The following LCOR variants were observed in gnomAD, a reference collection of about 807,000 sequenced individuals.
LCOR encodes ligand dependent nuclear receptor corepressor.
LCOR carries 14 observed loss-of-function variants against 64.4 expected under a neutral mutation model. That is an observed-to-expected ratio of 0.22 (90% CI 0.14 to 0.34). LCOR has a LOEUF of 0.34. Ranked by LOEUF, LCOR falls within the 10% of genes least tolerant of loss-of-function variation. The probability of loss-of-function intolerance (pLI) is 1.00; values close to 1 mark genes in which losing one functional copy is unlikely to be tolerated. For missense variants in LCOR, 1,686 were observed against 1,765.3 expected, an observed-to-expected ratio of 0.96 and a Z score of 0.80; for synonymous variants, 643 against 642.5, an observed-to-expected ratio of 1.00 and a Z score of -0.01.
At chr10:96,873,706 G>A (rs1021084924) in intron 2 of LCOR, among the ~76,000 whole-genome samples, 1 of 150,056 alleles carries the variant, frequency 6.7e-6, no homozygotes, top group South Asian at 2.1e-4. Context: ...TGGTTCAAGC[G>A]ATTCTCCTGC....
intron 4 of LCOR, among the ~76,000 whole-genome samples, chr10:96,921,777 A>G (rs1697573265): frequency 1.3e-5 from 2 of 152,232 alleles, no homozygotes; most frequent in Non-Finnish European, 2.9e-5. Context: ...CTTCATTAGC[A>G]GCATGTGGAT....
At chr10:96,936,654 T>A (rs1357690621) in intron 4 of LCOR, among the ~76,000 whole-genome samples, 4 of 152,184 alleles carry the variant, frequency 2.6e-5, no homozygotes, top group African/African-American at 9.6e-5. Flanking sequence ...TTACCAATAC[T>A]GATGTAAGGC....
At chr10:96,952,060 C>T (rs764241775) in intron 6 of LCOR, 43 bp from the exon 7 acceptor site, 7 of 1,438,196 alleles carry the variant, frequency 4.9e-6, no homozygotes, top group Non-Finnish European at 6.8e-6. Flanking sequence ...TACATTTGCT[C>T]CTAGCTTTTA....
At chr10:96,954,955 G>T in intron 7 of LCOR, 1 of 1,612,710 alleles carries the variant, frequency 6.2e-7, no homozygotes, top group Non-Finnish European at 8.5e-7. Flanking sequence ...CCAATTAGGC[G>T]ACCTGGGAGA....
intron 7 of LCOR, chr10:96,955,011 C>T (rs780567360): frequency 6.2e-7 from 1 of 1,614,072 alleles, no homozygotes; most frequent in East Asian, 2.2e-5. Flanking sequence ...TGATGGGGTA[C>T]CTCCAAGAAG....
At chr10:96,893,762 CAA>C (rs376847220) in intron 2 of LCOR, among the ~76,000 whole-genome samples, 49 of 94,402 alleles carry the variant, frequency 5.2e-4, no homozygotes, top group Non-Finnish European at 5.1e-4. Flanking sequence ...GACTCTGTTT[CAA>C]AAAAAAAAAA....
At chr10:96,941,354 G>A (rs1329076361) in intron 4 of LCOR, among the ~76,000 whole-genome samples, 1 of 143,328 alleles carries the variant, frequency 7.0e-6, no homozygotes, top group African/African-American at 2.7e-5. Flanking sequence ...TTCCCAGTAG[G>A]GGCGGCCGGG....
intron 7 of LCOR, among the ~76,000 whole-genome samples, chr10:96,969,006 C>T (rs942581786): frequency 1.3e-5 from 2 of 152,112 alleles, no homozygotes; most frequent in Non-Finnish European, 2.9e-5. Flanking sequence ...ATTGAACCTT[C>T]CCGAGTTTCA....
At chr10:96,939,184 C>T (rs1374047858) in intron 4 of LCOR, among the ~76,000 whole-genome samples, 2 of 152,122 alleles carry the variant, frequency 1.3e-5, no homozygotes, top group South Asian at 2.1e-4. Context: ...GGAATAGAAT[C>T]GAGTGTCCAG....
chr10:96,952,184 C>G lies in LCOR; in HGVS notation c.320C>G (p.Thr107Ser). 6.2e-7 allele frequency: 1 copy of G among 1,612,194 alleles called. No individual in the cohort carries two copies. Among genetic ancestry groups the G allele is most frequent in the Non-Finnish European group, 8.5e-7 (1 of 1,178,258 alleles). Residue 107 changes from threonine (T) to serine (S), a missense_variant, in exon 7 of 8, where the codon ACT (threonine) becomes AGT (serine). Around this residue, in one of 3 missense-constraint regions of LCOR, gnomAD observed 313 missense variants for 247.2 expected, o/e 1.27. Transcript: ENST00000421806. The stretch of plus-strand genomic sequence containing the variant: ...AGCCACTCTCCAGGCTGCTCCAGTA[C>G]TCAAGGGAACGGGTAAGGGAGAATA... ...SLSHSPGCSS[T>S]QGNGENSTEA...
intron 6 of LCOR, among the ~76,000 whole-genome samples, chr10:96,950,256 CTTTCT>C (rs748359496): frequency 3.9e-5 from 6 of 151,984 alleles, no homozygotes; most frequent in Non-Finnish European, 5.9e-5. Context: ...TTGAAATGAA[CTTTCT>C]TTTGAGTAGT....
rs1347951488 is a variant in LCOR at position 96,984,461 on chromosome 10, G to A, written c.4001G>A (p.Cys1334Tyr). 1.2e-6 allele frequency: 2 copies of A among 1,614,098 alleles called. No homozygotes were observed. The highest frequency in any genetic ancestry group is 3.3e-5 in the Admixed American group (2 of 60,004). Residue 1334 changes from cysteine (C) to tyrosine (Y), a missense_variant, in exon 8 of 8, where the codon TGC becomes TAC. Around this residue, in one of 3 missense-constraint regions of LCOR, gnomAD observed 1,293 missense variants for 1,410.4 expected, o/e 0.92. Coordinates refer to ENST00000421806, the MANE Select transcript of LCOR (RefSeq NM_001346516.2). Reference sequence around the variant, plus strand: ...TTAATCAAGAATGAGAAAATGGAATGCCCAGATGCTCTGGCTGTGGAAAGT... The same window carrying A: ...TTAATCAAGAATGAGAAAATGGAATACCCAGATGCTCTGGCTGTGGAAAGT... ...QRLIKNEKME[C>Y]PDALAVESKP... is the part of the protein sequence containing the mutation.
intron 2 of LCOR, among the ~76,000 whole-genome samples, chr10:96,858,428 A>G (rs1845838039): frequency 1.3e-5 from 2 of 152,204 alleles, no homozygotes; most frequent in Non-Finnish European, 2.9e-5. Flanking sequence ...TGAGTATAAA[A>G]TGTTCATGAT....
At chr10:96,883,117 A>G (rs1846290257) in intron 2 of LCOR, among the ~76,000 whole-genome samples, 1 of 152,036 alleles carries the variant, frequency 6.6e-6, no homozygotes, top group African/African-American at 2.4e-5. Flanking sequence ...GCTCGCTGCA[A>G]CCCTCACCTC....
chr10:96,852,416 A>G (rs1054030194), intron 2 of LCOR, among the ~76,000 whole-genome samples: 1 of 152,304 alleles, frequency 6.6e-6, no homozygotes, highest in Non-Finnish European at 1.5e-5. Flanking sequence ...GTGAGACCCT[A>G]TCTCAAAAAA....
At chr10:96,920,487 CATATAT>C (rs1233661789) in intron 4 of LCOR, among the ~76,000 whole-genome samples, 1 of 75,962 alleles carries the variant, frequency 1.3e-5, no homozygotes, top group Non-Finnish European at 2.9e-5. Context: ...TATGTATATT[CATATAT>C]ATGTGTATAT....
At chr10:96,959,392 T>C (rs998243323) in intron 7 of LCOR, 1 of 152,198 alleles carries the variant, frequency 6.6e-6, no homozygotes, top group African/African-American at 2.4e-5. Context: ...TATAACACTC[T>C]TGGAACTATT....
intron 3 of LCOR, 141 bp from the exon 4 acceptor site, chr10:96,907,527 A>C (rs781374459): frequency 8.7e-6 from 2 of 228,614 alleles, no homozygotes; most frequent in Non-Finnish European, 1.5e-5. Context: ...GTTAAGACTT[A>C]AGAATTTAAG....
chr10:96,985,022 G>C lies in LCOR; in HGVS notation c.4562G>C (p.Arg1521Pro), dbSNP rs768445669. 10 of 1,614,172 alleles carry C rather than the reference G, an allele frequency of 6.2e-6. No homozygotes were observed. The highest frequency in any genetic ancestry group is 3.4e-6 in the Non-Finnish European group (4 of 1,180,034). ...TNRKQSSGKT[R>P]ARPSTKTPES... ...AGGAAGCAGAGTAGTGGAAAGACTC[G>C]GGCCAGACCCTCAACGAAAACCCCA... Residue 1521 changes from arginine to proline, a missense_variant, in exon 8 of 8, where the codon CGG becomes CCG. This residue lies in a region of LCOR where 1,293 missense variants were observed against 1,410.4 expected (regional missense o/e 0.92). Transcript: ENST00000421806.
Sources: gnomAD v4.1 joint callset for allele counts (sites outside exome capture counted in the v4.1 genomes callset) on GRCh38, gnomAD v4.1.1 for gene constraint, gnomAD v4.1.1 regional missense constraint, MANE v1.5 for transcripts, NCBI Gene and HGNC (gene_info 2026-07-23, HGNC 2026-07-21) for gene names.